LIMA1: variants seen among roughly 807,000 people sequenced by gnomAD.
The protein encoded by LIMA1 is LIM domain and actin-binding protein 1.
Under a neutral mutation model 62.6 loss-of-function variants are expected in LIMA1, and 52 were observed. The observed-to-expected ratio is 0.83, with a 90% CI of 0.67 to 1.05. LIMA1 has a LOEUF of 1.05. LIMA1 is among the 50% of genes least tolerant of loss of function. The pLI is 0.00. For missense variants in LIMA1, 780 were observed against 902.2 expected (o/e 0.86, Z 1.74); for synonymous variants, 302 against 317.8 (o/e 0.95, Z 0.53).
intron 3 of LIMA1, among the ~76,000 whole-genome samples, chr12:50,227,144 C>G (rs900718425): frequency 6.6e-6 from 1 of 151,822 alleles, no homozygotes; most frequent in Non-Finnish European, 1.5e-5. Context: ...AGATAGACAT[C>G]TCTCCTTTTC....
intron 1 of LIMA1, among the ~76,000 whole-genome samples, chr12:50,272,489 G>C (rs1343576760): frequency 6.6e-6 from 1 of 151,730 alleles, no homozygotes; most frequent in Non-Finnish European, 1.5e-5. Context: ...CTACTCGGGA[G>C]GCTGAGGCAG....
At chr12:50,276,649 T>C (rs1455416162) in intron 1 of LIMA1, among the ~76,000 whole-genome samples, 1 of 152,030 alleles carries the variant, frequency 6.6e-6, no homozygotes, top group Non-Finnish European at 1.5e-5. Flanking sequence ...GGCGGGCAGA[T>C]TACCTGGGTC....
At chr12:50,206,173 T>A (rs1224623625) in intron 4 of LIMA1, 105 bp from the exon 5 acceptor site, 7 of 784,130 alleles carry the variant, frequency 8.9e-6, no homozygotes, top group African/African-American at 8.8e-5. Flanking sequence ...GATTTGATTT[T>A]ATATTTTATA....
intron 4 of LIMA1, among the ~76,000 whole-genome samples, chr12:50,217,341 G>GT (rs1941360851): frequency 6.6e-6 from 1 of 152,058 alleles, no homozygotes; most frequent in Admixed American, 6.6e-5. Context: ...CTTCACTGCA[G>GT]TGGCTCAAGA....
chr12:50,275,848 T>C (rs1942270374), intron 1 of LIMA1, among the ~76,000 whole-genome samples: 1 of 152,006 alleles, frequency 6.6e-6, no homozygotes, highest in African/African-American at 2.4e-5. Context: ...GGTGTGGGTG[T>C]CTTGAAGAGC....
chr12:50,241,582 G>A (rs1158754487), intron 2 of LIMA1, among the ~76,000 whole-genome samples: 1 of 152,140 alleles, frequency 6.6e-6, no homozygotes, highest in Non-Finnish European at 1.5e-5. Context: ...CTTTAATCCT[G>A]TTCTCAAACC....
At chr12:50,192,960 G>A (rs1940811051) in intron 8 of LIMA1, among the ~76,000 whole-genome samples, 1 of 151,268 alleles carries the variant, frequency 6.6e-6, no homozygotes, top group Non-Finnish European at 1.5e-5. Context: ...GGAGATGTGA[G>A]GGCAGAAATT....
chr12:50,250,853 A>G (rs1941921114), intron 1 of LIMA1, among the ~76,000 whole-genome samples: 1 of 152,220 alleles, frequency 6.6e-6, no homozygotes, highest in African/African-American at 2.4e-5. Flanking sequence ...ATCCATAATA[A>G]TAGCATTTAC....
intron 8 of LIMA1, among the ~76,000 whole-genome samples, chr12:50,194,150 GCTAA>G (rs761147672): frequency 6.7e-6 from 1 of 150,232 alleles, no homozygotes; most frequent in African/African-American, 2.5e-5. Flanking sequence ...ACCACATCCG[GCTAA>G]CTTTTTGTGT....
intron 6 of LIMA1, chr12:50,201,480 A>T (rs11169315): frequency 0.36 from 349,207 of 980,646 alleles, 63,940 homozygotes; most frequent in African/African-American, 0.5. Flanking sequence ...TTACTTCTCA[A>T]AACAGAGCCT....
intron 1 of LIMA1, among the ~76,000 whole-genome samples, chr12:50,269,017 C>T (rs1177317080): frequency 1.3e-5 from 2 of 152,110 alleles, no homozygotes; most frequent in African/African-American, 4.8e-5. Flanking sequence ...GCCAACTCTA[C>T]CCAAGGCTCC....
chr12:50,208,347 G>A (rs578036056), intron 4 of LIMA1, among the ~76,000 whole-genome samples: 3 of 152,156 alleles, frequency 2.0e-5, no homozygotes, highest in African/African-American at 4.8e-5. Context: ...TTAGCCAGGC[G>A]TGGTGGCCCG....
At chr12:50,189,234 T>A (rs1940697537) in intron 9 of LIMA1, 1 of 152,242 alleles carries the variant, frequency 6.6e-6, no homozygotes, top group Non-Finnish European at 1.5e-5. Flanking sequence ...GTTTTATCTT[T>A]TTCACCTTGC....
At chr12:50,231,573 A>C in intron 3 of LIMA1, 92 bp downstream of exon 3, 1 of 1,162,142 alleles carries the variant, frequency 8.6e-7, no homozygotes, top group Non-Finnish European at 1.3e-6. Context: ...CTCAGCTGAC[A>C]TAGAACCCAA....
intron 3 of LIMA1, among the ~76,000 whole-genome samples, chr12:50,225,340 A>T (rs894293702): frequency 3.3e-5 from 5 of 152,196 alleles, no homozygotes; most frequent in Non-Finnish European, 7.3e-5. Flanking sequence ...TAGATGCTGT[A>T]ATACATGCCA....
intron 4 of LIMA1, chr12:50,217,896 ATTTCTTTTCTT>A: frequency 6.4e-6 from 1 of 157,418 alleles, no homozygotes; most frequent in East Asian, 1.9e-4. Flanking sequence ...CAAGTGATGA[ATTTCTTTTCTT>A]TTTTTTTTTT....
At chr12:50,248,871 C>A in intron 1 of LIMA1, 97 bp from the exon 2 acceptor site, 1 of 681,470 alleles carries the variant, frequency 1.5e-6, no homozygotes, top group South Asian at 1.7e-5. Flanking sequence ...ACTTGCAGAC[C>A]ACACTCCTCC....
At chr12:50,252,183 C>T (rs965526406) in intron 1 of LIMA1, among the ~76,000 whole-genome samples, 6 of 152,100 alleles carry the variant, frequency 3.9e-5, no homozygotes, top group South Asian at 2.1e-4. Flanking sequence ...ACTTAAAGAA[C>T]GGGCAGAATT....
intron 1 of LIMA1, among the ~76,000 whole-genome samples, chr12:50,269,534 G>C (rs2138692482): frequency 6.6e-6 from 1 of 152,276 alleles, no homozygotes; most frequent in Non-Finnish European, 1.5e-5. Context: ...GAAACTGATG[G>C]TTACTACCAG....
Sources: gnomAD v4.1 joint callset for allele counts (sites outside exome capture counted in the v4.1 genomes callset) on GRCh38, gnomAD v4.1.1 for gene constraint, MANE v1.5 for transcripts, NCBI Gene and HGNC (gene_info 2026-07-23, HGNC 2026-07-21) for gene names.